UBE2E3: variants seen among roughly 807,000 people sequenced by gnomAD.
UBE2E3 encodes ubiquitin-conjugating enzyme E2 E3.
UBE2E3 carries 5 observed loss-of-function variants against 23.6 expected under a neutral mutation model. That is an observed-to-expected ratio of 0.21 (90% CI 0.11 to 0.44). The LOEUF is 0.44. Among genes scored for constraint, UBE2E3 ranks in the 20% least tolerant of loss-of-function variants. The pLI is 0.99. For missense variants in UBE2E3, 81 were observed against 249.8 expected (o/e 0.32, Z 4.55); for synonymous variants, 78 against 87.5 (o/e 0.89, Z 0.60).
At chr2:181,014,384 A>G (rs1466160239) in intron 3 of UBE2E3, among the ~76,000 whole-genome samples, 2 of 152,212 alleles carry the variant, frequency 1.3e-5, no homozygotes, top group African/African-American at 4.8e-5. Context: ...TTTTAGGTGT[A>G]TAGATGGCAG....
intron 3 of UBE2E3, among the ~76,000 whole-genome samples, chr2:181,033,504 C>T (rs1686156463): frequency 6.6e-6 from 1 of 152,182 alleles, no homozygotes; most frequent in South Asian, 2.1e-4. Flanking sequence ...TGGATCCCTT[C>T]CTTACACCTT....
chr2:181,012,789 A>C (rs1199670421), intron 3 of UBE2E3, among the ~76,000 whole-genome samples: 1 of 152,196 alleles, frequency 6.6e-6, no homozygotes, highest in East Asian at 1.9e-4. Context: ...ATCACACATT[A>C]GACTAAAGTT....
At chr2:181,045,969 C>T (rs1686662730) in intron 3 of UBE2E3, among the ~76,000 whole-genome samples, 1 of 151,944 alleles carries the variant, frequency 6.6e-6, no homozygotes, top group African/African-American at 2.4e-5. Flanking sequence ...GACTTTGTAT[C>T]TATCCAGCAT....
chr2:181,044,813 T>G (rs1686623786), intron 3 of UBE2E3, among the ~76,000 whole-genome samples: 1 of 152,166 alleles, frequency 6.6e-6, no homozygotes, highest in African/African-American at 2.4e-5. Context: ...TAGCTTACTG[T>G]ACTCTCCAGT....
chr2:180,987,056 GTGTA>G (rs1684494585), intron 3 of UBE2E3, among the ~76,000 whole-genome samples: 1 of 152,084 alleles, frequency 6.6e-6, no homozygotes, highest in South Asian at 2.1e-4. Flanking sequence ...TTTCCCGATA[GTGTA>G]AAAGTTTGAT....
intron 2 of UBE2E3, among the ~76,000 whole-genome samples, chr2:180,983,221 A>G (rs1001049360): frequency 4.0e-5 from 6 of 151,388 alleles, no homozygotes; most frequent in Non-Finnish European, 8.8e-5. Context: ...AAATACTCAT[A>G]TTTTTCTATG....
chr2:180,999,865 T>C (rs1684940945), intron 3 of UBE2E3, among the ~76,000 whole-genome samples: 1 of 152,186 alleles, frequency 6.6e-6, no homozygotes, highest in Non-Finnish European at 1.5e-5. Context: ...ATGTAACTGG[T>C]ATATTTTACA....
At chr2:181,007,836 A>G (rs1685200014) in intron 3 of UBE2E3, among the ~76,000 whole-genome samples, 1 of 152,214 alleles carries the variant, frequency 6.6e-6, no homozygotes, top group Admixed American at 6.5e-5. Context: ...AAATATGGCT[A>G]GTGTGAATAA....
At chr2:180,999,724 A>T (rs1407558363) in intron 3 of UBE2E3, among the ~76,000 whole-genome samples, 1 of 152,054 alleles carries the variant, frequency 6.6e-6, no homozygotes, top group Non-Finnish European at 1.5e-5. Flanking sequence ...AGGGCTTTGG[A>T]CTTAGACAAA....
chr2:181,054,355 T>C (rs1337744187), intron 3 of UBE2E3, among the ~76,000 whole-genome samples: 1 of 151,632 alleles, frequency 6.6e-6, no homozygotes, highest in African/African-American at 2.4e-5. Flanking sequence ...TATTCTCCAC[T>C]AGCAATGGAT....
At chr2:181,048,714 T>G (rs2105470801) in intron 3 of UBE2E3, among the ~76,000 whole-genome samples, 1 of 152,214 alleles carries the variant, frequency 6.6e-6, no homozygotes, top group East Asian at 1.9e-4. Context: ...GCTTTCAACC[T>G]AAATAAATAT....
chr2:181,060,861 C>G (rs1346989859), intron 5 of UBE2E3, 49 bp downstream of exon 5: 1 of 246,484 alleles, frequency 4.1e-6, no homozygotes, highest in Non-Finnish European at 5.6e-6. Context: ...AAAACGAGTG[C>G]TTTTTTTTTT....
chr2:181,017,668 G>A (rs779396256), intron 3 of UBE2E3, among the ~76,000 whole-genome samples: 4 of 148,348 alleles, frequency 2.7e-5, no homozygotes, highest in Non-Finnish European at 4.5e-5. Context: ...TTTTTAATAC[G>A]GAAGTGTCAT....
intron 2 of UBE2E3, among the ~76,000 whole-genome samples, chr2:180,982,868 T>C (rs1684345946): frequency 6.6e-6 from 1 of 152,208 alleles, no homozygotes; most frequent in Non-Finnish European, 1.5e-5. Flanking sequence ...GTGTCACTAG[T>C]GATAGAAAAC....
chr2:181,008,851 C>T (rs1307945934), intron 3 of UBE2E3, among the ~76,000 whole-genome samples: 2 of 150,718 alleles, frequency 1.3e-5, no homozygotes, highest in Non-Finnish European at 2.9e-5. Flanking sequence ...ATTTTGTAGA[C>T]AGTGACCGTG....
At chr2:181,044,714 A>G (rs1445870106) in intron 3 of UBE2E3, among the ~76,000 whole-genome samples, 3 of 152,154 alleles carry the variant, frequency 2.0e-5, no homozygotes, top group Non-Finnish European at 2.9e-5. Flanking sequence ...GTATGCTTAT[A>G]GATGGTAACA....
chr2:181,016,111 C>T (rs1685481245), intron 3 of UBE2E3, among the ~76,000 whole-genome samples: 1 of 151,984 alleles, frequency 6.6e-6, no homozygotes, highest in Non-Finnish European at 1.5e-5. Context: ...GAAATAAATA[C>T]TAGTGAACAA....
At chr2:180,985,841 G>A (rs916376944) in intron 3 of UBE2E3, among the ~76,000 whole-genome samples, 5 of 152,078 alleles carry the variant, frequency 3.3e-5, no homozygotes, top group African/African-American at 7.2e-5. Flanking sequence ...ACTAATGTAC[G>A]TGCATAAATC....
chr2:181,054,571 A>G (rs1686935059), intron 3 of UBE2E3, among the ~76,000 whole-genome samples: 1 of 151,838 alleles, frequency 6.6e-6, no homozygotes, highest in Non-Finnish European at 1.5e-5. Context: ...CACCCATTTT[A>G]TAATCAGGTT....
Sources: allele counts gnomAD v4.1 joint callset (sites outside exome capture counted in the v4.1 genomes callset), GRCh38; gene constraint gnomAD v4.1.1; transcripts MANE v1.5; gene names NCBI Gene and HGNC (gene_info 2026-07-23, HGNC 2026-07-21).